Variants in NRG1 observed in about 807,000 individuals in gnomAD.
NRG1 encodes the protein neuregulin 1, also known as pro-neuregulin-1, membrane-bound isoform.
NRG1 carries 18 observed loss-of-function variants against 63.8 expected under a neutral mutation model. The observed-to-expected ratio is 0.28, with a 90% CI of 0.19 to 0.42. The LOEUF (loss-of-function observed/expected upper bound fraction) is 0.42. Ranked by LOEUF, NRG1 falls within the 10% of genes least tolerant of loss-of-function variation. The pLI, the probability that NRG1 is intolerant of heterozygous loss-of-function variation, is 1.00. For synonymous variants in NRG1, 302 were observed against 301.3 expected (o/e 1.00, Z -0.02); for missense variants, 762 against 814.7 (o/e 0.94, Z 0.79).
intron 1 of NRG1, among the ~76,000 whole-genome samples, chr8:32,202,382 G>C (rs1004831462): frequency 1.3e-5 from 2 of 152,182 alleles, no homozygotes; most frequent in Non-Finnish European, 2.9e-5. Context: ...GGAACATGCA[G>C]GTGCACAGGA....
intron 1 of NRG1, among the ~76,000 whole-genome samples, chr8:32,343,509 T>G (rs575090264): frequency 6.6e-6 from 1 of 152,300 alleles, no homozygotes; most frequent in African/African-American, 2.4e-5. Flanking sequence ...TGCTATGAAC[T>G]TTAGAAACTT....
intron 1 of NRG1, among the ~76,000 whole-genome samples, chr8:31,893,668 AAAT>A (rs1317155061): frequency 7.0e-6 from 1 of 142,638 alleles, no homozygotes; most frequent in African/African-American, 2.6e-5. Context: ...AAGGAAAATA[AAAT>A]AATATGTTCT....
At chr8:32,287,885 A>C (rs1853727922) in intron 1 of NRG1, among the ~76,000 whole-genome samples, 1 of 152,186 alleles carries the variant, frequency 6.6e-6, no homozygotes, top group African/African-American at 2.4e-5. Context: ...TACCACATCC[A>C]CTGATCATGT....
At chr8:31,655,190 TCAGG>T (rs1186988676) in intron 1 of NRG1, among the ~76,000 whole-genome samples, 1 of 152,228 alleles carries the variant, frequency 6.6e-6, no homozygotes, top group Non-Finnish European at 1.5e-5. Flanking sequence ...CAAATGTTTA[TCAGG>T]CATCTATTAT....
downstream of NRG1, among the ~76,000 whole-genome samples, chr8:32,770,292 CA>C (rs1831696287): frequency 6.6e-6 from 1 of 152,088 alleles, no homozygotes; most frequent in East Asian, 1.9e-4. Flanking sequence ...GTTCTCTCTA[CA>C]TGATATGGTA....
chr8:32,271,458 T>C (rs1171997007), intron 1 of NRG1, among the ~76,000 whole-genome samples: 1 of 152,068 alleles, frequency 6.6e-6, no homozygotes, highest in Non-Finnish European at 1.5e-5. Context: ...CCTGGGCGAG[T>C]TGGGTAAATT....
chr8:32,615,530 T>C (rs1486055833), intron 4 of NRG1, among the ~76,000 whole-genome samples: 1 of 152,074 alleles, frequency 6.6e-6, no homozygotes, highest in Non-Finnish European at 1.5e-5. Context: ...GAAGAGAAGG[T>C]ATTTCAAGTT....
At chr8:31,918,010 T>C (rs1011957639) in intron 1 of NRG1, among the ~76,000 whole-genome samples, 20 of 151,822 alleles carry the variant, frequency 1.3e-4, no homozygotes, top group Non-Finnish European at 1.9e-4. Context: ...CTCTGTCTGT[T>C]ATTGGTGTAT....
chr8:32,361,873 C>G (rs915865470), intron 1 of NRG1, among the ~76,000 whole-genome samples: 1 of 152,188 alleles, frequency 6.6e-6, no homozygotes, highest in Non-Finnish European at 1.5e-5. Flanking sequence ...CTCTCCATGC[C>G]TGCTTCCAGC....
intron 1 of NRG1, among the ~76,000 whole-genome samples, chr8:32,530,748 G>C (rs1214080984): frequency 2.6e-5 from 4 of 152,068 alleles, no homozygotes. Flanking sequence ...ATATTCCAAG[G>C]ACAAACTACC....
At chr8:32,749,622 T>G in intron 7 of NRG1, 1 of 1,605,524 alleles carries the variant, frequency 6.2e-7, no homozygotes, top group Non-Finnish European at 8.5e-7. Context: ...CCTGCAGAAT[T>G]TAGAGCCTAT....
chr8:32,334,177 C>T (rs1334758750), intron 1 of NRG1, among the ~76,000 whole-genome samples: 1 of 152,116 alleles, frequency 6.6e-6, no homozygotes, highest in Non-Finnish European at 1.5e-5. Context: ...ATGACCTTTT[C>T]ATCTTTTTCA....
intron 1 of NRG1, among the ~76,000 whole-genome samples, chr8:31,852,768 T>C (rs964172548): frequency 2.6e-5 from 4 of 152,254 alleles, no homozygotes; most frequent in Admixed American, 6.5e-5. Flanking sequence ...CTTTAATCCA[T>C]CTTGGATTGA....
chr8:32,673,801 T>C (rs1398355284), intron 5 of NRG1, among the ~76,000 whole-genome samples: 1 of 152,204 alleles, frequency 6.6e-6, no homozygotes, highest in Non-Finnish European at 1.5e-5. Flanking sequence ...TGTTTCAAAA[T>C]TGAGATTACG....
At chr8:32,094,782 C>A (rs1476528309) in intron 1 of NRG1, among the ~76,000 whole-genome samples, 1 of 151,690 alleles carries the variant, frequency 6.6e-6, no homozygotes, top group Non-Finnish European at 1.5e-5. Context: ...ACCCTCCCCG[C>A]AAAAGTTTAT....
chr8:32,461,723 A>C (rs995603894), intron 1 of NRG1, among the ~76,000 whole-genome samples: 1 of 152,130 alleles, frequency 6.6e-6, no homozygotes, highest in Non-Finnish European at 1.5e-5. Context: ...CTCAGAGAAG[A>C]TATCCTAGAA....
chr8:32,501,719 A>G (rs1827874935), intron 1 of NRG1, among the ~76,000 whole-genome samples: 5 of 152,256 alleles, frequency 3.3e-5, no homozygotes, highest in Admixed American at 3.3e-4. Context: ...CAATCTTAAG[A>G]AAACTTGGTT....
intron 7 of NRG1, among the ~76,000 whole-genome samples, chr8:32,752,343 G>C (rs953068459): frequency 2.6e-5 from 4 of 152,148 alleles, no homozygotes; most frequent in Admixed American, 6.5e-5. Context: ...GGCTATGGGG[G>C]AGGGGAGGCA....
At chr8:31,785,695 A>T (rs1563399661) in intron 1 of NRG1, among the ~76,000 whole-genome samples, 1 of 152,190 alleles carries the variant, frequency 6.6e-6, no homozygotes, top group Non-Finnish European at 1.5e-5. Context: ...ATGTGTGGTT[A>T]AAAAAATCTT....
Sources: gnomAD v4.1 joint callset for allele counts (sites outside exome capture counted in the v4.1 genomes callset) on GRCh38, gnomAD v4.1.1 for gene constraint, MANE v1.5 for transcripts, NCBI Gene and HGNC (gene_info 2026-07-23, HGNC 2026-07-21) for gene names.